Variants in PPP1R13L observed in about 807,000 individuals in gnomAD.
The protein encoded by PPP1R13L is relA-associated inhibitor.
PPP1R13L carries 50 observed loss-of-function variants against 80.9 expected under a neutral mutation model. That is an observed-to-expected ratio of 0.62 (90% confidence interval 0.49 to 0.78). PPP1R13L has a LOEUF of 0.78. Ranked by LOEUF, PPP1R13L falls within the 30% of genes least tolerant of loss-of-function variation. The pLI, the probability that PPP1R13L is intolerant of heterozygous loss-of-function variation, is 0.00. For missense variants in PPP1R13L, 1,200 were observed against 1,205.9 expected, an observed-to-expected ratio of 1.00 and a Z score of 0.07; for synonymous variants, 602 against 534.3, an observed-to-expected ratio of 1.13 and a Z score of -1.75.
intron 7 of PPP1R13L, among the ~76,000 whole-genome samples, chr19:45,394,217 G>C (rs971738409): frequency 4.0e-5 from 6 of 151,140 alleles, no homozygotes; most frequent in African/African-American, 1.5e-4. Context: ...CTGCAGCCTG[G>C]ATCTCCCAGG....
chr19:45,388,736 C>A (rs930136914), intron 8 of PPP1R13L, among the ~76,000 whole-genome samples: 1 of 151,570 alleles, frequency 6.6e-6, no homozygotes, highest in Admixed American at 6.6e-5. Flanking sequence ...AGAAGAGTTT[C>A]CTTTTATTTT....
chr19:45,388,521 G>A (rs1263768552), intron 8 of PPP1R13L, among the ~76,000 whole-genome samples: 1 of 151,738 alleles, frequency 6.6e-6, no homozygotes, highest in Non-Finnish European at 1.5e-5. Context: ...GCTGCAGTGA[G>A]CCATGATCTT....
At position 45,392,283 on chromosome 19, in the gene PPP1R13L, G is replaced by A; in HGVS notation, c.1412C>T (p.Thr471Ile). The change falls in exon 8 of 13, where the codon ACA (threonine) becomes ATA (isoleucine). Residue 471 changes from threonine to isoleucine, a missense_variant. Around this residue, in one of 5 missense-constraint regions of PPP1R13L, gnomAD observed 764 missense variants for 714.5 expected, o/e 1.07. Transcript: ENST00000360957. ...CACATCGCCAGCCTCCAGCACTGGTGTCAGCAGCCCCTCTATCTCCGGCTC... is the reference window on the plus strand; with the variant it reads ...CACATCGCCAGCCTCCAGCACTGGTATCAGCAGCCCCTCTATCTCCGGCTC... Reference protein sequence around the residue: ...EPEPEIEGLLTPVLEAGDVDE... With the variant: ...EPEPEIEGLLIPVLEAGDVDE... 1 of 1,613,614 alleles carries A rather than the reference G, an allele frequency of 6.2e-7. No homozygotes were observed. Among genetic ancestry groups the A allele is most frequent in the Non-Finnish European group, 8.5e-7 (1 of 1,180,032 alleles).
intron 7 of PPP1R13L, chr19:45,394,793 G>A (rs1362901840): frequency 6.7e-6 from 1 of 148,738 alleles, no homozygotes; most frequent in Non-Finnish European, 1.5e-5. Context: ...TGTTTTAAAG[G>A]CTTTATATGA....
At chr19:45,380,539 C>T (rs759800179) in intron 12 of PPP1R13L, among the ~76,000 whole-genome samples, 3 of 152,032 alleles carry the variant, frequency 2.0e-5, no homozygotes, top group African/African-American at 2.4e-5. Flanking sequence ...CTCTCAGGGC[C>T]GGGAGCAGTG....
At chr19:45,402,522 C>A (rs1394779649) in intron 1 of PPP1R13L, among the ~76,000 whole-genome samples, 2 of 152,248 alleles carry the variant, frequency 1.3e-5, no homozygotes, top group Non-Finnish European at 2.9e-5. Context: ...CCCGGACCCC[C>A]GCCAGGAGGG....
At position 45,386,079 on chromosome 19, in the gene PPP1R13L, C is replaced by T. The variant is rs749634605; in HGVS notation, c.1917G>A (p.Glu639=). The T allele has an allele frequency of 6.3e-7, 1 of 1,582,668 alleles. No individual in the cohort carries two copies. The highest frequency in any genetic ancestry group is 1.3e-5 in the African/African-American group (1 of 74,558). Residue 639 remains glutamate (E), a synonymous_variant, in exon 9 of 13, where the codon GAG becomes GAA. Transcript: ENST00000360957. The part of the protein sequence containing the change: ...VLLLDAALTG[E]LEVVQQAVKE... ...TCACCGCCTGCTGCACCACCTCCAGCTCCCCGGTCAGCGCCGCGTCCAGGA... is the reference window on the plus strand; with the variant it reads ...TCACCGCCTGCTGCACCACCTCCAGTTCCCCGGTCAGCGCCGCGTCCAGGA...
intron 7 of PPP1R13L, chr19:45,392,799 A>T (rs1392915875): frequency 7.7e-6 from 2 of 258,302 alleles, no homozygotes; most frequent in Admixed American, 5.2e-5. Flanking sequence ...CTCCAGCAGG[A>T]AGTAGAATCC....
chr19:45,388,551 G>A (rs1357833792), intron 8 of PPP1R13L, among the ~76,000 whole-genome samples: 2 of 151,572 alleles, frequency 1.3e-5, no homozygotes, highest in Non-Finnish European at 2.9e-5. Flanking sequence ...CTCCAGCCTG[G>A]GCAACAGAGT....
rs138590598 is a variant in PPP1R13L, at chr19:45,385,596, G to C, written c.2214C>G (p.Arg738=). ...ATAFEKCDPY[R]EGYADCATYL... is the part of the protein sequence containing the mutation. The stretch of plus-strand genomic sequence containing the variant: ...AGGTGGCGCAGTCAGCATAACCCTC[G>C]CGGTAAGGGTCGCACTTCTCGAAGG... The change falls in exon 11 of 13, where the codon CGC becomes CGG. Residue 738 remains arginine, a synonymous_variant. Transcript: ENST00000360957. 2 of 1,612,950 alleles carry C rather than the reference G, an allele frequency of 1.2e-6. No individual in the cohort carries two copies. Among genetic ancestry groups the C allele is most frequent in the African/African-American group, 2.7e-5 (2 of 74,952 alleles).
chr19:45,396,498 C>A lies in PPP1R13L; in HGVS notation c.712+47G>T. ...GGTGGCGAGCCCCGGATCCTGCCCG[C>A]TTTGACCCCGCGAGTCAAAGGCCCC... On this transcript the variant is annotated intron_variant, in intron 4 of 12. Coordinates refer to ENST00000360957, the MANE Select transcript of PPP1R13L (RefSeq NM_006663.4). This position sits in a 1 kb window ranked among gnomAD's most constrained non-coding sequence, Gnocchi z 5.3. 1.2e-6 allele frequency: 2 copies of A among 1,607,526 alleles called. No homozygotes were observed. Among genetic ancestry groups the A allele is most frequent in the African/African-American group, 1.3e-5 (1 of 74,946 alleles).
intron 1 of PPP1R13L, among the ~76,000 whole-genome samples, chr19:45,403,338 C>G (rs1442863321): frequency 6.6e-6 from 1 of 152,102 alleles, no homozygotes; most frequent in African/African-American, 2.4e-5. Context: ...TCAACTCTTT[C>G]TGAGATCATA....
In PPP1R13L at chr19:45,396,703, CG is replaced by C. The variant is rs1194212740; in HGVS notation, c.553del (p.Arg185AlafsTer39). The C allele has an allele frequency of 4.3e-6, 6 of 1,403,196 alleles. No individual in the cohort carries two copies. The highest frequency in any genetic ancestry group is 1.7e-5 in the South Asian group (1 of 59,660). The allele number at this position is 1,403,196 out of a possible 1,614,324, so 86.9% of individuals were successfully genotyped here. A position where few individuals can be genotyped will look rare whatever the true frequency, so the allele number is the denominator to read the frequency against. ...GGGCCCCTCCGCCAGGGGGCTGCCGCGGGGGGAGCCTGCGCGGCCCAGGAAG... is the reference window on the plus strand; with the variant it reads ...GGGCCCCTCCGCCAGGGGGCTGCCGCGGGGGAGCCTGCGCGGCCCAGGAAG... ...FDFLGRAGSP[R>X]GSPLAEGPQA... On this transcript the variant is annotated frameshift_variant, in exon 4 of 13. Transcript: ENST00000360957. LOFTEE classifies it high-confidence loss of function. The surrounding 1 kb of genome is among the most constrained non-coding windows in gnomAD (Gnocchi z 5.3).
In PPP1R13L at chr19:45,392,285, C is replaced by G; in HGVS notation, c.1410G>C (p.Leu470=). The G allele has an allele frequency of 6.2e-7, 1 of 1,613,608 alleles. No individual in the cohort carries two copies. The highest frequency in any genetic ancestry group is 1.6e-4 in the Middle Eastern group (1 of 6,062). ...CATCGCCAGCCTCCAGCACTGGTGT[C>G]AGCAGCCCCTCTATCTCCGGCTCAG... ...LEPEPEIEGL[L]TPVLEAGDVD... is the part of the protein sequence containing the mutation. Residue 470 remains leucine (L), a synonymous_variant, in exon 8 of 13, where the codon CTG becomes CTC. Coordinates refer to ENST00000360957, the MANE Select transcript of PPP1R13L (RefSeq NM_006663.4).
In PPP1R13L at chr19:45,385,640, G is replaced by A; in HGVS notation, c.2170C>T (p.Leu724Phe). 3.1e-6 allele frequency: 5 copies of A among 1,613,204 alleles called. No homozygotes were observed. The highest frequency in any genetic ancestry group is 4.2e-6 in the Non-Finnish European group (5 of 1,179,916). The change falls in exon 11 of 13, where the codon CTC becomes TTC. Residue 724 changes from leucine to phenylalanine, a missense_variant. Coordinates refer to ENST00000360957, the MANE Select transcript of PPP1R13L (RefSeq NM_006663.4). Reference protein sequence around the residue: ...QHGAAIFATTLSDGATAFEKC... With the variant: ...QHGAAIFATTFSDGATAFEKC... The stretch of plus-strand genomic sequence containing the variant: ...TCGAAGGCGGTGGCGCCGTCGCTGA[G>A]CGTGGTGGCGAAGATTGCAGCGCCG...
chr19:45,401,610 G>A lies in PPP1R13L; in HGVS notation c.-21-3271C>T, dbSNP rs1422354031. ...ACAGAGCCTAAACCCCTCAGCTAAA[G>A]AGCCTATTGTTGGAAAGTTCTGAGT... On this transcript the variant is annotated intron_variant, in intron 1 of 12. Transcript: ENST00000360957. Among the ~76,000 whole-genome samples the A allele has an allele frequency of 2.0e-5, 3 of 152,146 alleles. No individual in the cohort carries two copies. The East Asian group carries it at 5.8e-4, about 29-fold the overall frequency.
chr19:45,386,075 C>T lies in PPP1R13L; in HGVS notation c.1921G>A (p.Glu641Lys), dbSNP rs1972862182. Residue 641 changes from glutamate (E) to lysine (K), a missense_variant, in exon 9 of 13, where the codon GAG becomes AAG. By Grantham distance (56) the Glu-to-Lys change is moderately conservative. This residue lies in a region of PPP1R13L where 214 missense variants were observed against 199.6 expected (regional missense o/e 1.07). Transcript: ENST00000360957. ...LLDAALTGEL[E>K]VVQQAVKEMN... ...TCCTTCACCGCCTGCTGCACCACCT[C>T]CAGCTCCCCGGTCAGCGCCGCGTCC... 1.9e-6 allele frequency: 3 copies of T among 1,583,616 alleles called. No homozygotes were observed. The highest frequency in any genetic ancestry group is 2.6e-6 in the Non-Finnish European group (3 of 1,168,438).
In PPP1R13L at chr19:45,396,526, G is replaced by A. The variant is rs1201528119; in HGVS notation, c.712+19C>T. ...TGACCCCGCGAGTCAAAGGCCCCGC[G>A]AGGGGCCCCTGGGTTCACCTTGCGC... On this transcript the variant is annotated intron_variant, in intron 4 of 12. Coordinates refer to ENST00000360957, the MANE Select transcript of PPP1R13L (RefSeq NM_006663.4). This position sits in a 1 kb window ranked among gnomAD's most constrained non-coding sequence, Gnocchi z 5.3. The A allele has an allele frequency of 2.5e-6, 4 of 1,590,248 alleles. No homozygotes were observed. In the Admixed American group the frequency reaches 7.0e-5, roughly 28 times the overall value.
chr19:45,382,624 G>A lies in PPP1R13L; in HGVS notation c.2351C>T (p.Ser784Leu), dbSNP rs780404814. The change falls in exon 12 of 13, where the codon TCG becomes TTG. Residue 784 changes from serine (S) to leucine (L), a missense_variant. By Grantham distance (145) the Ser-to-Leu change is moderately radical. This residue lies in a region of PPP1R13L where 165 missense variants were observed against 177.1 expected (regional missense o/e 0.93). Transcript: ENST00000360957. ...CCCGTCCCTCCGCAGCACGGTGACCGACTCGCCCTCGCGGAAGGACAGCTC... is the reference window on the plus strand; with the variant it reads ...CCCGTCCCTCCGCAGCACGGTGACCAACTCGCCCTCGCGGAAGGACAGCTC... ...GDELSFREGE[S>L]VTVLRRDGPE... 4 of 1,613,792 alleles carry A rather than the reference G, an allele frequency of 2.5e-6. No homozygotes were observed. Among genetic ancestry groups the A allele is most frequent in the African/African-American group, 1.3e-5 (1 of 75,070 alleles).
Sources: allele counts gnomAD v4.1 joint callset (sites outside exome capture counted in the v4.1 genomes callset), GRCh38; gene constraint gnomAD v4.1.1; regional missense constraint gnomAD v4.1.1; non-coding constraint Gnocchi (gnomAD v3.1); transcripts MANE v1.5; gene names NCBI Gene and HGNC (gene_info 2026-07-23, HGNC 2026-07-21).